Variants in PLXNA4 observed in about 807,000 individuals in gnomAD.
The protein encoded by PLXNA4 is plexin A4.
In PLXNA4, 44 loss-of-function variants were observed where a neutral mutation model predicts 191.8. That is an observed-to-expected ratio of 0.23 (90% CI 0.18 to 0.29). PLXNA4 has a LOEUF of 0.29. Among genes scored for constraint, PLXNA4 ranks in the 10% least tolerant of loss-of-function variants. The pLI is 1.00. For missense variants in PLXNA4, 1,800 were observed against 2,488.8 expected (o/e 0.72, Z 5.89); for synonymous variants, 1,082 against 1,009.5 (o/e 1.07, Z -1.36).
At chr7:132,566,880 G>A (rs141114527) in intron 1 of PLXNA4, among the ~76,000 whole-genome samples, 2,759 of 152,262 alleles carry the variant, frequency 0.018, 46 homozygotes, top group South Asian at 0.039. Context: ...GGCAGGCGGT[G>A]CCTCTGAAAG....
rs116677082 is a variant in PLXNA4, at chr7:132,500,097, C to T, written c.1188+7409G>A. ...CTTATACCTTACAAAAACTAAGGGACATGTGAAGGTAACAGCAGCAAGCAC... is the reference window on the plus strand; with the variant it reads ...CTTATACCTTACAAAAACTAAGGGATATGTGAAGGTAACAGCAGCAAGCAC... On this transcript the variant is annotated intron_variant, in intron 2 of 31. Transcript: ENST00000321063. Among the ~76,000 whole-genome samples the T allele has an allele frequency of 5.9e-3, 891 of 152,290 alleles. 8 individuals are homozygous for T. The highest frequency in any genetic ancestry group is 0.02 in the African/African-American group (845 of 41,548).
chr7:132,591,304 C>T (rs1163263203), intron 2 of PLXNA4, among the ~76,000 whole-genome samples: 1 of 152,134 alleles, frequency 6.6e-6, no homozygotes, highest in Non-Finnish European at 1.5e-5. Context: ...CTATCCCAGC[C>T]CTCATCAAAT....
intron 3 of PLXNA4, among the ~76,000 whole-genome samples, chr7:132,410,193 C>T (rs967771183): frequency 3.2e-4 from 48 of 152,074 alleles, no homozygotes; most frequent in Non-Finnish European, 4.4e-5. Context: ...CCCACCTCCC[C>T]GTGCCCCCCT....
At chr7:132,414,025 G>A (rs974274412) in intron 3 of PLXNA4, among the ~76,000 whole-genome samples, 3 of 152,132 alleles carry the variant, frequency 2.0e-5, no homozygotes, top group South Asian at 2.1e-4. Context: ...TCCACTATTC[G>A]GGCCTAGACA....
intron 1 of PLXNA4, among the ~76,000 whole-genome samples, chr7:132,561,904 TCTCCTCCTTATCCTCCTCCTCATCCTC>T (rs1801141355): frequency 1.6e-5 from 1 of 64,380 alleles, no homozygotes; most frequent in Non-Finnish European, 3.2e-5. Flanking sequence ...TCCTTCTCCT[TCTCCTCCTTATCCTCCTCCTCATCCTC>T]CTCCTCCTTA....
Position 132,263,277 on chromosome 7 carries a change from A to G in PLXNA4, c.1504-22111T>C, listed in dbSNP as rs550240552. Among the ~76,000 whole-genome samples, 12 of 152,290 alleles carry G rather than the reference A, an allele frequency of 7.9e-5. No individual in the cohort carries two copies. The East Asian group carries it at 2.3e-3, about 29-fold the overall frequency. On this transcript the variant is annotated intron_variant, in intron 4 of 31. Coordinates refer to ENST00000321063, the MANE Select transcript of PLXNA4 (RefSeq NM_020911.2). Reference sequence around the variant, plus strand: ...TGGGGTGGGGACTGCAGGACTGGCCATGCCAAATGTGTTCTGGCCATGCCA... The same window carrying G: ...TGGGGTGGGGACTGCAGGACTGGCCGTGCCAAATGTGTTCTGGCCATGCCA...
intron 5 of PLXNA4, among the ~76,000 whole-genome samples, chr7:132,230,078 T>C (rs1160680972): frequency 2.0e-5 from 3 of 151,972 alleles, no homozygotes; most frequent in Non-Finnish European, 2.9e-5. Context: ...AATGCGAAAG[T>C]AAAAAACACC....
chr7:132,415,258 G>A (rs895478307), intron 3 of PLXNA4, among the ~76,000 whole-genome samples: 47 of 152,336 alleles, frequency 3.1e-4, no homozygotes, highest in African/African-American at 9.6e-4. Context: ...GCTCCCCATC[G>A]CCCAAAGGAG....
chr7:132,169,474 T>C (rs996251814), intron 21 of PLXNA4, among the ~76,000 whole-genome samples: 4 of 152,188 alleles, frequency 2.6e-5, no homozygotes, highest in African/African-American at 9.7e-5. Context: ...GGTGGAGGAA[T>C]TGTGGTGTAT....
intron 3 of PLXNA4, among the ~76,000 whole-genome samples, chr7:132,432,582 G>C (rs934452899): frequency 6.6e-6 from 1 of 152,128 alleles, no homozygotes; most frequent in African/African-American, 2.4e-5. Flanking sequence ...AGAAGGGGAG[G>C]AGGTCTGCTT....
chr7:132,181,682 C>G, intron 17 of PLXNA4, 62 bp from the exon 18 acceptor site: 1 of 1,587,716 alleles, frequency 6.3e-7, no homozygotes, highest in Non-Finnish European at 8.6e-7. Context: ...AGCCCCAGTG[C>G]ACATAGTGGG....
At chr7:132,620,763 C>T (rs565928082) in intron 2 of PLXNA4, among the ~76,000 whole-genome samples, 70 of 152,326 alleles carry the variant, frequency 4.6e-4, no homozygotes, top group Non-Finnish European at 6.3e-4. Context: ...CACATCCGCT[C>T]ATATAACTCT....
intron 3 of PLXNA4, among the ~76,000 whole-genome samples, chr7:132,420,349 T>C: frequency 6.6e-6 from 1 of 152,184 alleles, no homozygotes; most frequent in East Asian, 1.9e-4. Context: ...GAGCTGCTGG[T>C]CCAGGGGACA....
At chr7:132,523,792 G>A (rs1799288044) in intron 1 of PLXNA4, among the ~76,000 whole-genome samples, 1 of 152,188 alleles carries the variant, frequency 6.6e-6, no homozygotes, top group Admixed American at 6.5e-5. Context: ...GGGCGGAAGA[G>A]AGGGACTTAG....
intron 3 of PLXNA4, among the ~76,000 whole-genome samples, chr7:132,334,518 A>G (rs1802738707): frequency 6.6e-6 from 1 of 151,756 alleles, no homozygotes; most frequent in South Asian, 2.1e-4. Context: ...TCATCCTCCC[A>G]AAGTGCTGGA....
intron 3 of PLXNA4, among the ~76,000 whole-genome samples, chr7:132,355,430 G>A (rs369685354): frequency 6.6e-5 from 10 of 152,178 alleles, no homozygotes; most frequent in African/African-American, 2.4e-4. Flanking sequence ...GACAGCTGAC[G>A]TCAGATTTCA....
rs1415104250 is a variant in PLXNA4 at position 132,241,139 on chromosome 7, C to T, written c.1531G>A (p.Gly511Ser). 1 of 1,612,744 alleles carries T rather than the reference C, an allele frequency of 6.2e-7. No homozygotes were observed. The highest frequency in any genetic ancestry group is 1.7e-5 in the Admixed American group (1 of 59,992). ...QLTRVPVESCGQYQSCGECLG... is the reference protein window; with the variant it reads ...QLTRVPVESCSQYQSCGECLG... ...CACTCGCCGCAGCTCTGATACTGAC[C>T]ACAGGACTCCACAGGGACTCTGGTG... Residue 511 changes from glycine (G) to serine (S), a missense_variant, in exon 5 of 32, where the codon GGT becomes AGT. This residue lies in a region of PLXNA4 where 1,397 missense variants were observed against 1,880.4 expected (regional missense o/e 0.74). Transcript: ENST00000321063.
chr7:132,192,850 G>A (rs1441105866), intron 14 of PLXNA4, among the ~76,000 whole-genome samples: 1 of 152,122 alleles, frequency 6.6e-6, no homozygotes, highest in East Asian at 1.9e-4. Flanking sequence ...TACTTGTCAG[G>A]CAGCCTTTGA....
intron 20 of PLXNA4, among the ~76,000 whole-genome samples, chr7:132,176,108 A>G (rs1350124015): frequency 6.6e-6 from 1 of 152,072 alleles, no homozygotes; most frequent in African/African-American, 2.4e-5. Flanking sequence ...GTGGAGCTCC[A>G]CCCAGCAGAG....
Sources: allele counts gnomAD v4.1 joint callset (sites outside exome capture counted in the v4.1 genomes callset), GRCh38; gene constraint gnomAD v4.1.1; regional missense constraint gnomAD v4.1.1; transcripts MANE v1.5; gene names NCBI Gene and HGNC (gene_info 2026-07-23, HGNC 2026-07-21).